ADK: variants seen among roughly 807,000 people sequenced by gnomAD.
ADK encodes the protein adenosine kinase, also known as N6,N6-dimethyladenosine kinase.
A neutral mutation model predicts 44.7 loss-of-function variants in ADK; 24 were observed. The observed-to-expected ratio is 0.54, with a 90% CI of 0.39 to 0.76. ADK has a LOEUF of 0.76. Among genes scored for constraint, ADK ranks in the 30% least tolerant of loss-of-function variants. ADK has a pLI of 0.00. For missense variants in ADK, 321 were observed against 425.1 expected, an observed-to-expected ratio of 0.76 and a Z score of 2.15; for synonymous variants, 128 against 142.6, an observed-to-expected ratio of 0.90 and a Z score of 0.73.
At chr10:74,456,251 A>G (rs1198988821) in intron 6 of ADK, among the ~76,000 whole-genome samples, 3 of 152,180 alleles carry the variant, frequency 2.0e-5, no homozygotes, top group Non-Finnish European at 4.4e-5. Context: ...TCTCCGCACC[A>G]CATCGCCCTT....
intron 1 of ADK, among the ~76,000 whole-genome samples, chr10:74,173,794 A>T (rs1260618801): frequency 2.0e-5 from 3 of 152,234 alleles, no homozygotes; most frequent in African/African-American, 7.2e-5. Context: ...AAGCATGAGC[A>T]AAAGTGCATT....
intron 6 of ADK, among the ~76,000 whole-genome samples, chr10:74,450,490 T>A (rs1845736733): frequency 6.6e-6 from 1 of 152,344 alleles, no homozygotes; most frequent in East Asian, 1.9e-4. Context: ...TAAATACTGC[T>A]TGATGAATTA....
At chr10:74,211,026 A>G (rs926769037) in intron 2 of ADK, among the ~76,000 whole-genome samples, 1 of 152,176 alleles carries the variant, frequency 6.6e-6, no homozygotes, top group South Asian at 2.1e-4. Context: ...CTGAGATTAC[A>G]GGCATGTGCC....
intron 1 of ADK, among the ~76,000 whole-genome samples, chr10:74,189,001 G>A (rs1842868695): frequency 6.6e-6 from 1 of 152,124 alleles, no homozygotes; most frequent in Non-Finnish European, 1.5e-5. Flanking sequence ...TCTAACTCCT[G>A]ACCTCGTGAT....
chr10:74,667,136 T>C, intron 9 of ADK, among the ~76,000 whole-genome samples: 1 of 152,206 alleles, frequency 6.6e-6, no homozygotes, highest in South Asian at 2.1e-4. Flanking sequence ...CGGCCATGAC[T>C]TTTTATAATA....
intron 9 of ADK, among the ~76,000 whole-genome samples, chr10:74,663,302 CTTGTGTA>C (rs1414067113): frequency 6.7e-6 from 1 of 149,070 alleles, no homozygotes; most frequent in East Asian, 2.0e-4. Flanking sequence ...ATATTTGTTA[CTTGTGTA>C]TTGTCTATCC....
chr10:74,685,802 CCATA>C (rs1444984546), intron 10 of ADK, among the ~76,000 whole-genome samples: 3 of 152,042 alleles, frequency 2.0e-5, no homozygotes, highest in Non-Finnish European at 4.4e-5. Flanking sequence ...AGTAGGGTAG[CCATA>C]TTTGAGCTTC....
intron 4 of ADK, among the ~76,000 whole-genome samples, chr10:74,321,900 G>A (rs762307177): frequency 7.2e-5 from 11 of 152,180 alleles, no homozygotes; most frequent in Middle Eastern, 3.4e-3. Context: ...AGAAGTTTTA[G>A]GAATTATGTT....
chr10:74,289,452 G>T (rs1259442951), intron 3 of ADK, among the ~76,000 whole-genome samples: 1 of 152,050 alleles, frequency 6.6e-6, no homozygotes, highest in East Asian at 1.9e-4. Flanking sequence ...TGAATATTTG[G>T]CTTAAGCAAA....
intron 10 of ADK, among the ~76,000 whole-genome samples, chr10:74,696,895 A>G (rs1352096617): frequency 6.6e-6 from 1 of 152,130 alleles, no homozygotes; most frequent in African/African-American, 2.4e-5. Flanking sequence ...CAGGCTTTAT[A>G]TATATGAGGT....
At chr10:74,205,734 A>G (rs1463851730) in intron 2 of ADK, among the ~76,000 whole-genome samples, 2 of 151,918 alleles carry the variant, frequency 1.3e-5, no homozygotes, top group Non-Finnish European at 2.9e-5. Context: ...TAAGAAACTA[A>G]CATAACAGTC....
At chr10:74,626,732 T>G (rs1333445255) in intron 9 of ADK, among the ~76,000 whole-genome samples, 2 of 152,228 alleles carry the variant, frequency 1.3e-5, no homozygotes, top group African/African-American at 4.8e-5. Flanking sequence ...AAGGAATTAT[T>G]TTAAAATTAC....
intron 2 of ADK, among the ~76,000 whole-genome samples, chr10:74,207,990 G>A (rs1032129320): frequency 1.3e-5 from 2 of 152,232 alleles, no homozygotes; most frequent in Non-Finnish European, 2.9e-5. Flanking sequence ...TGCACCTAAA[G>A]TCCAGAGGGG....
intron 7 of ADK, among the ~76,000 whole-genome samples, chr10:74,563,856 T>C (rs546176422): frequency 1.3e-5 from 2 of 152,340 alleles, no homozygotes; most frequent in African/African-American, 2.4e-5. Context: ...AACATCTCTC[T>C]GGTGACTGCG....
At chr10:74,601,229 T>C (rs189251179) in intron 9 of ADK, among the ~76,000 whole-genome samples, 2 of 152,204 alleles carry the variant, frequency 1.3e-5, no homozygotes, top group East Asian at 3.9e-4. Flanking sequence ...ATAGTTCTTA[T>C]CTATTGGTGC....
chr10:74,298,214 T>C (rs1041229678), intron 3 of ADK, among the ~76,000 whole-genome samples: 16 of 152,166 alleles, frequency 1.1e-4, no homozygotes, highest in Admixed American at 3.3e-4. Flanking sequence ...AAATTTGAAA[T>C]GTAATATGTT....
chr10:74,619,482 T>G (rs570228517), intron 9 of ADK, among the ~76,000 whole-genome samples: 168 of 152,154 alleles, frequency 1.1e-3, no homozygotes, highest in African/African-American at 3.8e-3. Context: ...AGTGGATGCT[T>G]TATTTCAATA....
intron 6 of ADK, among the ~76,000 whole-genome samples, chr10:74,523,201 C>T (rs975290624): frequency 1.3e-5 from 2 of 152,132 alleles, no homozygotes; most frequent in Non-Finnish European, 2.9e-5. Flanking sequence ...AGTATAGTGC[C>T]TGGGACACAA....
Position 74,393,797 on chromosome 10 carries a change from A to G in ADK, c.274-344A>G, listed in dbSNP as rs1034298745. 1.3e-4 allele frequency among the ~76,000 whole-genome samples: 20 copies of G among 152,138 alleles called. 1 individual carries two copies. The highest frequency in any genetic ancestry group is 1.2e-3 in the Admixed American group (19 of 15,272). On this transcript the variant is annotated intron_variant, in intron 4 of 10. Transcript: ENST00000539909. Reference sequence around the variant, plus strand: ...TGAACCCAGAGAGTCTTCAATCAAGATGGATTCTGCTCTTTTTATGACAAT... The same window carrying G: ...TGAACCCAGAGAGTCTTCAATCAAGGTGGATTCTGCTCTTTTTATGACAAT...
Sources: gnomAD v4.1 joint callset for allele counts (sites outside exome capture counted in the v4.1 genomes callset) on GRCh38, gnomAD v4.1.1 for gene constraint, MANE v1.5 for transcripts, NCBI Gene and HGNC (gene_info 2026-07-23, HGNC 2026-07-21) for gene names.